Variants in FSIP2 observed in about 807,000 individuals in gnomAD.
FSIP2 encodes fibrous sheath interacting protein 2, also known as fibrous sheath-interacting protein 2.
In FSIP2, 367 loss-of-function variants were observed where a neutral mutation model predicts 510.5. The ratio of observed to expected loss-of-function variants is 0.72; its 90% confidence interval spans 0.66 to 0.78. The LOEUF is 0.78. Ranked by LOEUF, FSIP2 falls within the 30% of genes least tolerant of loss-of-function variation. The probability of loss-of-function intolerance (pLI) is 0.00; values close to 1 mark genes in which losing one functional copy is unlikely to be tolerated. For synonymous variants in FSIP2, 2,601 were observed against 2,732.2 expected, an observed-to-expected ratio of 0.95 and a Z score of 1.50; for missense variants, 7,594 against 7,901.7, an observed-to-expected ratio of 0.96 and a Z score of 1.48.
At position 185,805,916 on chromosome 2, in the gene FSIP2, C is replaced by A. The variant is rs77024031; in HGVS notation, c.16610C>A (p.Ser5537Ter). 6.3e-7 allele frequency: 1 copy of A among 1,597,378 alleles called. No individual in the cohort carries two copies. The highest frequency in any genetic ancestry group is 8.5e-7 in the Non-Finnish European group (1 of 1,174,826). The change falls in exon 17 of 23, where the codon TCA becomes TAA. Residue 5537 changes from serine to a stop codon, truncating the protein, a stop_gained. Transcript: ENST00000424728. LOFTEE classifies it high-confidence loss of function. ...ACTCAAAAACATAGTGAGAATGTAT[C>A]AAAAGTTACTTCAACTACCACTGTG... Reference protein sequence around the residue: ...ICTQKHSENVSKVTSTTTVKS... With the variant: ...ICTQKHSENV
chr2:185,801,937 C>G lies in FSIP2; in HGVS notation c.12631C>G (p.Gln4211Glu), dbSNP rs1218287679. The G allele has an allele frequency of 6.6e-7, 1 of 1,519,138 alleles. No homozygotes were observed. The highest frequency in any genetic ancestry group is 2.5e-5 in the East Asian group (1 of 40,766). 94.1% of individuals were successfully genotyped at this position (1,519,138 alleles called of 1,614,324 possible). ...ATATCTATATACTGGAAAAAACCTC[C>G]AAAAGATGGTGGATTCTGTATATTG... ...NQYLYTGKNL[Q>E]KMVDSVYCNI... is the part of the protein sequence containing the mutation. Residue 4211 changes from glutamine to glutamate, a missense_variant, in exon 17 of 23, where the codon CAA becomes GAA. Transcript: ENST00000424728.
intron 7 of FSIP2, among the ~76,000 whole-genome samples, chr2:185,748,969 C>T (rs1051274522): frequency 4.6e-5 from 7 of 152,010 alleles, no homozygotes; most frequent in African/African-American, 1.7e-4. Flanking sequence ...TTAGATTTTG[C>T]TCTTAATATC....
At chr2:185,825,699 G>C (rs540085826) in intron 20 of FSIP2, among the ~76,000 whole-genome samples, 1 of 151,818 alleles carries the variant, frequency 6.6e-6, no homozygotes, top group Non-Finnish European at 1.5e-5. Flanking sequence ...TAATATCACA[G>C]GTGTTCAACT....
Position 185,806,069 on chromosome 2 carries a change from T to G in FSIP2, c.16763T>G (p.Leu5588Ter). The change falls in exon 17 of 23, where the codon TTA becomes TGA. Residue 5588 changes from leucine (L) to a stop codon, truncating the protein, a stop_gained. Coordinates refer to ENST00000424728, the MANE Select transcript of FSIP2 (RefSeq NM_173651.4). LOFTEE classifies it high-confidence loss of function. ...GATGAGATATACACACATTTTTCAT[T>G]AATAATTGATGATACAGAATATGAG... ...KDDEIYTHFS[L>*]IIDDTEYEKE... 6.4e-7 allele frequency: 1 copy of G among 1,563,714 alleles called. No homozygotes were observed. Among genetic ancestry groups the G allele is most frequent in the Non-Finnish European group, 8.7e-7 (1 of 1,153,804 alleles).
intron 18 of FSIP2, among the ~76,000 whole-genome samples, chr2:185,815,168 T>C (rs893255362): frequency 2.0e-5 from 3 of 152,076 alleles, no homozygotes; most frequent in African/African-American, 7.2e-5. Context: ...TGTCATAATT[T>C]AGGTAATCTT....
intron 13 of FSIP2, among the ~76,000 whole-genome samples, chr2:185,773,977 C>T (rs1357531132): frequency 6.6e-6 from 1 of 152,154 alleles, no homozygotes; most frequent in Non-Finnish European, 1.5e-5. Context: ...GTCAATTTTA[C>T]TTTATGGATC....
chr2:185,752,837 A>T (rs1463750650), intron 7 of FSIP2, among the ~76,000 whole-genome samples: 1 of 151,366 alleles, frequency 6.6e-6, no homozygotes, highest in Non-Finnish European at 1.5e-5. Flanking sequence ...GCTTCTTTAC[A>T]TGCCTAGTAT....
Position 185,792,165 on chromosome 2 carries a change from CAAATACTT to C in FSIP2, c.5032_5039del (p.Ile1678ValfsTer16), listed in dbSNP as rs1693148140. On this transcript the variant is annotated frameshift_variant, in exon 16 of 23. Transcript: ENST00000424728. LOFTEE classifies it high-confidence loss of function. ...TGTAGAAAACCCACCACCTGAGACTCAAATACTTAAGTATGTAGTCAAGTTAATTTTAG... is the reference window on the plus strand; with the variant it reads ...TGTAGAAAACCCACCACCTGAGACTCAAGTATGTAGTCAAGTTAATTTTAG... 2.0e-6 allele frequency: 3 copies of C among 1,532,608 alleles called. No homozygotes were observed. In the Admixed American group the frequency reaches 5.9e-5, roughly 30 times the overall value. The allele number at this position is 1,532,608 out of a possible 1,614,324, so 94.9% of individuals were successfully genotyped here. A position where few individuals can be genotyped will look rare whatever the true frequency, so the allele number is the denominator to read the frequency against.
intron 19 of FSIP2, 96 bp downstream of exon 19, chr2:185,815,567 T>G (rs754796446): frequency 6.6e-5 from 36 of 544,820 alleles, no homozygotes; most frequent in Non-Finnish European, 1.0e-4. Context: ...TGAGCAAGTA[T>G]TTAGCTTCAG....
chr2:185,804,947 A>G lies in FSIP2; in HGVS notation c.15641A>G (p.Lys5214Arg), dbSNP rs772384814. 17 of 1,532,970 alleles carry G rather than the reference A, an allele frequency of 1.1e-5. No individual in the cohort carries two copies. In the African/African-American group the frequency reaches 2.2e-4, roughly 20 times the overall value. 95.0% of individuals were successfully genotyped at this position (1,532,970 alleles called of 1,614,324 possible). A position where few individuals can be genotyped will look rare whatever the true frequency, so the allele number is the denominator to read the frequency against. ...GCTGAAGTACAAAAAGATGCAGACA[A>G]AAAAGGATGCTCATTCCTCAGTAAA... ...FQAEVQKDAD[K>R]KGCSFLSKLA... The change falls in exon 17 of 23, where the codon AAA becomes AGA. Residue 5214 changes from lysine to arginine, a missense_variant. Physicochemically the swap from Lys to Arg is conservative, Grantham distance 26. Coordinates refer to ENST00000424728, the MANE Select transcript of FSIP2 (RefSeq NM_173651.4).
chr2:185,781,223 A>T (rs1165561108), intron 13 of FSIP2, among the ~76,000 whole-genome samples: 1 of 152,202 alleles, frequency 6.6e-6, no homozygotes, highest in Non-Finnish European at 1.5e-5. Context: ...TACCTATACA[A>T]CCATTCCGTT....
chr2:185,804,321 T>C lies in FSIP2; in HGVS notation c.15015T>C (p.Asp5005=), dbSNP rs193247095. ...EFTTSEILVA[D]NFDKNLCFSE... ...CCACATCAGAGATTTTAGTTGCAGATAACTTTGATAAAAATTTGTGTTTCT... is the reference window on the plus strand; with the variant it reads ...CCACATCAGAGATTTTAGTTGCAGACAACTTTGATAAAAATTTGTGTTTCT... The change falls in exon 17 of 23, where the codon GAT becomes GAC. Residue 5005 remains aspartate (D), a synonymous_variant. Coordinates refer to ENST00000424728, the MANE Select transcript of FSIP2 (RefSeq NM_173651.4). The C allele has an allele frequency of 6.6e-7, 1 of 1,508,994 alleles. No homozygotes were observed. The highest frequency in any genetic ancestry group is 1.3e-5 in the South Asian group (1 of 78,936). 93.5% of individuals were successfully genotyped at this position (1,508,994 alleles called of 1,614,324 possible).
chr2:185,802,804 G>C lies in FSIP2; in HGVS notation c.13498G>C (p.Val4500Leu). 6.6e-7 allele frequency: 1 copy of C among 1,520,924 alleles called. No individual in the cohort carries two copies. Among genetic ancestry groups the C allele is most frequent in the Non-Finnish European group, 8.8e-7 (1 of 1,141,142 alleles). 94.2% of individuals were successfully genotyped at this position (1,520,924 alleles called of 1,614,324 possible). The change falls in exon 17 of 23, where the codon GTG becomes CTG. Residue 4500 changes from valine (V) to leucine (L), a missense_variant. Val to Leu is a conservative substitution (Grantham distance 32). Coordinates refer to ENST00000424728, the MANE Select transcript of FSIP2 (RefSeq NM_173651.4). ...NRDTQKDISR[V>L]NFNDIASNLV... ...AGACACCCAAAAAGATATATCAAGA[G>C]TGAATTTCAATGACATTGCTTCAAA...
intron 7 of FSIP2, among the ~76,000 whole-genome samples, chr2:185,751,992 T>C (rs1282082368): frequency 1.3e-5 from 2 of 151,266 alleles, no homozygotes; most frequent in Admixed American, 1.3e-4. Context: ...AAATAAGTCA[T>C]ATATTTGGCC....
In FSIP2 at chr2:185,806,700, G is replaced by T; in HGVS notation, c.17394G>T (p.Leu5798Phe). The change falls in exon 17 of 23, where the codon TTG becomes TTT. Residue 5798 changes from leucine (L) to phenylalanine (F), a missense_variant. Coordinates refer to ENST00000424728, the MANE Select transcript of FSIP2 (RefSeq NM_173651.4). ...TTATTACTGAGATGGTTAAACAATT[G>T]ATCTTTTCTTCTATACCAGAAACAC... is the stretch of plus-strand genomic sequence containing the variant. Reference protein sequence around the residue: ...EDVITEMVKQLIFSSIPETQI... With the variant: ...EDVITEMVKQFIFSSIPETQI... 4 of 1,602,968 alleles carry T rather than the reference G, an allele frequency of 2.5e-6. No individual in the cohort carries two copies. The highest frequency in any genetic ancestry group is 3.4e-6 in the Non-Finnish European group (4 of 1,176,398).
chr2:185,788,890 C>T lies in FSIP2; in HGVS notation c.1754C>T (p.Ala585Val). The change falls in exon 16 of 23, where the codon GCA becomes GTA. Residue 585 changes from alanine (A) to valine (V), a missense_variant. Coordinates refer to ENST00000424728, the MANE Select transcript of FSIP2 (RefSeq NM_173651.4). ...TTKTFQAEPC[A>V]FVVDTSVRRP... ...AAAACATTTCAGGCAGAACCCTGTG[C>T]ATTTGTAGTTGACACGTCAGTAAGG... The T allele has an allele frequency of 1.3e-6, 2 of 1,535,080 alleles. No homozygotes were observed. The highest frequency in any genetic ancestry group is 1.7e-6 in the Non-Finnish European group (2 of 1,146,044).
Position 185,799,764 on chromosome 2 carries a change from A to G in FSIP2, c.10458A>G (p.Leu3486=). Residue 3486 remains leucine (L), a synonymous_variant, in exon 17 of 23, where the codon CTA becomes CTG. Transcript: ENST00000424728. ...SRKKYESKQF[L]RNIYDDSSIY... ...AAAAATATGAATCAAAACAGTTCCT[A>G]AGAAACATATACGATGATTCTTCAA... is the stretch of plus-strand genomic sequence containing the variant. 6.6e-7 allele frequency: 1 copy of G among 1,514,330 alleles called. No homozygotes were observed. Among genetic ancestry groups the G allele is most frequent in the Non-Finnish European group, 8.8e-7 (1 of 1,135,506 alleles). 93.8% of individuals were successfully genotyped at this position (1,514,330 alleles called of 1,614,324 possible). A position where few individuals can be genotyped will look rare whatever the true frequency, so the allele number is the denominator to read the frequency against.
In FSIP2 at chr2:185,761,957, T is replaced by C. The variant is rs1692360683; in HGVS notation, c.1195-15T>C. 2 of 1,432,092 alleles carry C rather than the reference T, an allele frequency of 1.4e-6. No homozygotes were observed. The highest frequency in any genetic ancestry group is 1.4e-5 in the African/African-American group (1 of 70,520). The allele number at this position is 1,432,092 out of a possible 1,614,324, so 88.7% of individuals were successfully genotyped here. On this transcript the variant is annotated splice_polypyrimidine_tract_variant and intron_variant, in intron 10 of 22. Transcript: ENST00000424728. The stretch of plus-strand genomic sequence containing the variant: ...TACTAATGTAATTTTTTCTCTTCAA[T>C]GTGGTACCATGTAGAGAGATGGGAT...
Position 185,804,006 on chromosome 2 carries a change from A to G in FSIP2, c.14700A>G (p.Ile4900Met), listed in dbSNP as rs1326311453. Residue 4900 changes from isoleucine (I) to methionine (M), a missense_variant, in exon 17 of 23, where the codon ATA (isoleucine) becomes ATG (methionine). Physicochemically the swap from Ile to Met is conservative, Grantham distance 10. Transcript: ENST00000424728. ...TTTCAAAAATAGCGAGTTTTATAATAAAAGAAATCTTTAACCATCATATTC... is the reference window on the plus strand; with the variant it reads ...TTTCAAAAATAGCGAGTTTTATAATGAAAGAAATCTTTAACCATCATATTC... The part of the protein sequence containing the change: ...IPVSKIASFI[I>M]KEIFNHHIQS... 49 of 1,497,636 alleles carry G rather than the reference A, an allele frequency of 3.3e-5. No homozygotes were observed. The highest frequency in any genetic ancestry group is 4.3e-5 in the Non-Finnish European group (49 of 1,128,264). 92.8% of individuals were successfully genotyped at this position (1,497,636 alleles called of 1,614,324 possible). A position where few individuals can be genotyped will look rare whatever the true frequency, so the allele number is the denominator to read the frequency against.
Sources: gnomAD v4.1 joint callset for allele counts (sites outside exome capture counted in the v4.1 genomes callset) on GRCh38, gnomAD v4.1.1 for gene constraint, MANE v1.5 for transcripts, NCBI Gene and HGNC (gene_info 2026-07-23, HGNC 2026-07-21) for gene names.